The following WTAP variants were observed in gnomAD, a reference collection of about 807,000 sequenced individuals.
The protein encoded by WTAP is WT1 associated protein.
Under a neutral mutation model 50.0 loss-of-function variants are expected in WTAP, and 8 were observed. The observed-to-expected ratio is 0.16, with a 90% CI of 0.09 to 0.29. The LOEUF (loss-of-function observed/expected upper bound fraction) is 0.29. Among genes scored for constraint, WTAP ranks in the 10% least tolerant of loss-of-function variants. The pLI is 1.00. For missense variants in WTAP, 295 were observed against 470.7 expected, an observed-to-expected ratio of 0.63 and a Z score of 3.45; for synonymous variants, 194 against 169.0, an observed-to-expected ratio of 1.15 and a Z score of -1.15.
At chr6:159,752,113 G>A (rs541580984) in intron 6 of WTAP, among the ~76,000 whole-genome samples, 2 of 150,878 alleles carry the variant, frequency 1.3e-5, no homozygotes, top group Admixed American at 6.6e-5. Flanking sequence ...ACACTTCAAA[G>A]ATTGATAAAA....
chr6:159,728,651 A>G (rs892928628), intron 1 of WTAP, among the ~76,000 whole-genome samples: 2 of 152,248 alleles, frequency 1.3e-5, no homozygotes, highest in Non-Finnish European at 2.9e-5. Context: ...TTAAAACCGT[A>G]ATTTAAAACT....
At chr6:159,736,439 T>C (rs1357762709) in intron 2 of WTAP, 144 bp downstream of exon 2, 2 of 684,474 alleles carry the variant, frequency 2.9e-6, no homozygotes, top group Non-Finnish European at 5.1e-6. Flanking sequence ...ATAATAGCAT[T>C]GGAGTTGTAC....
intron 1 of WTAP, among the ~76,000 whole-genome samples, chr6:159,728,047 C>T (rs565438527): frequency 3.3e-5 from 5 of 152,200 alleles, no homozygotes; most frequent in East Asian, 1.9e-4. Flanking sequence ...CCTTCACCTC[C>T]CTTGGGCCTC....
At chr6:159,744,511 A>G (rs1229286055) in intron 5 of WTAP, among the ~76,000 whole-genome samples, 1 of 127,254 alleles carries the variant, frequency 7.9e-6, no homozygotes, top group South Asian at 3.0e-4. Context: ...GACACCAAAA[A>G]TCTATGGGCA....
intron 7 of WTAP, 125 bp downstream of exon 7, chr6:159,753,739 A>G (rs1779902604): frequency 8.3e-7 from 1 of 1,210,796 alleles, no homozygotes; most frequent in Non-Finnish European, 1.1e-6. Flanking sequence ...ATTGTATATT[A>G]TTGTGAGTGA....
rs1189922279 is a variant in WTAP at position 159,756,283 on chromosome 6, C to A, written c.*672C>A. Reference sequence around the variant, plus strand: ...CTCCAGTATATCTTACCTGTACTGACCAAACCTAAATAAAGATTTTTATTG... The same window carrying A: ...CTCCAGTATATCTTACCTGTACTGAACAAACCTAAATAAAGATTTTTATTG... On this transcript the variant is annotated 3_prime_UTR_variant, in exon 8 of 8. Coordinates refer to ENST00000621533, the MANE Select transcript of WTAP (RefSeq NM_001270531.2). 1.3e-5 allele frequency: 2 copies of A among 152,606 alleles called. No individual in the cohort carries two copies. Among genetic ancestry groups the A allele is most frequent in the Non-Finnish European group, 2.9e-5 (2 of 68,042 alleles). 9.5% of individuals were successfully genotyped at this position (152,606 alleles called of 1,614,324 possible).
chr6:159,748,858 C>A lies in WTAP; in HGVS notation c.452+489C>A. On this transcript the variant is annotated intron_variant, in intron 6 of 7. Coordinates refer to ENST00000621533, the MANE Select transcript of WTAP (RefSeq NM_001270531.2). The surrounding 1 kb of genome is among the most constrained non-coding windows in gnomAD (Gnocchi z 5.6). ...AACCTTGAGCATAGTGACTTAGAGA[C>A]ACTGTGTATCAGTTTTGCCAATAAG... is the stretch of plus-strand genomic sequence containing the variant. The A allele has an allele frequency of 5.8e-6, 7 of 1,211,872 alleles. No homozygotes were observed. Among genetic ancestry groups the A allele is most frequent in the Non-Finnish European group, 7.2e-6 (7 of 975,474 alleles). 75.1% of individuals were successfully genotyped at this position (1,211,872 alleles called of 1,614,324 possible).
At chr6:159,736,913 T>TA (rs1216496884) in intron 2 of WTAP, among the ~76,000 whole-genome samples, 1 of 152,226 alleles carries the variant, frequency 6.6e-6, no homozygotes, top group African/African-American at 2.4e-5. Flanking sequence ...GAAAGCTTAC[T>TA]AAACTTAATA....
Position 159,727,592 on chromosome 6 carries a change from G to A in WTAP, c.-120G>A. On this transcript the variant is annotated 5_prime_UTR_variant, in exon 1 of 8. Coordinates refer to ENST00000621533, the MANE Select transcript of WTAP (RefSeq NM_001270531.2). ...GCGGGACTAGGAGCGCGGCGGGGCCGGCGGCAGAGCTGTCCGGCTGCGCGG... is the reference window on the plus strand; with the variant it reads ...GCGGGACTAGGAGCGCGGCGGGGCCAGCGGCAGAGCTGTCCGGCTGCGCGG... 1 of 986,910 alleles carries A rather than the reference G, an allele frequency of 1.0e-6. No homozygotes were observed. The highest frequency in any genetic ancestry group is 1.2e-6 in the Non-Finnish European group (1 of 831,080). 61.1% of individuals were successfully genotyped at this position (986,910 alleles called of 1,614,324 possible).
intron 1 of WTAP, 121 bp downstream of exon 1, chr6:159,727,824 G>A: frequency 1.4e-6 from 1 of 700,480 alleles, no homozygotes; most frequent in Non-Finnish European, 1.8e-6. Flanking sequence ...CGGGCCTGGT[G>A]CGGCACCGGT....
chr6:159,736,890 G>A (rs912200603), intron 2 of WTAP, among the ~76,000 whole-genome samples: 2 of 152,166 alleles, frequency 1.3e-5, no homozygotes, highest in African/African-American at 4.8e-5. Context: ...GGAGGAATTT[G>A]TGATTCAATT....
chr6:159,747,853 G>A lies in WTAP; in HGVS notation c.274-338G>A, dbSNP rs113850540. ...CACTTTAAGTCCCAGATTTGGAGAT[G>A]TAATCAAATGGCCTCAATTCCTAAG... On this transcript the variant is annotated intron_variant, in intron 5 of 7. Coordinates refer to ENST00000621533, the MANE Select transcript of WTAP (RefSeq NM_001270531.2). Among the ~76,000 whole-genome samples the A allele has an allele frequency of 7.6e-3, 1,156 of 151,928 alleles. 17 individuals carry two copies. Among genetic ancestry groups the A allele is most frequent in the African/African-American group, 0.027 (1,103 of 41,448 alleles).
intron 1 of WTAP, chr6:159,731,091 A>C (rs1778537383): frequency 1.3e-5 from 2 of 152,212 alleles, no homozygotes; most frequent in Non-Finnish European, 2.9e-5. Flanking sequence ...CAGTGAGCCC[A>C]GATCATGCCC....
intron 3 of WTAP, chr6:159,741,691 G>A (rs1779264972): frequency 5.9e-6 from 1 of 169,024 alleles, no homozygotes; most frequent in Non-Finnish European, 1.3e-5. Flanking sequence ...TTTATGATCA[G>A]TTAAACTAGA....
intron 5 of WTAP, among the ~76,000 whole-genome samples, chr6:159,747,246 A>G (rs1356357284): frequency 2.0e-5 from 3 of 152,172 alleles, no homozygotes; most frequent in Admixed American, 6.5e-5. Context: ...TTAGTGTGCT[A>G]GTAAATAGCA....
chr6:159,732,190 A>T (rs1029490251), intron 1 of WTAP, among the ~76,000 whole-genome samples: 2 of 152,168 alleles, frequency 1.3e-5, no homozygotes, highest in African/African-American at 4.8e-5. Flanking sequence ...ATATAAATGG[A>T]CCCATGCAGC....
Position 159,754,903 on chromosome 6 carries a change from T to C in WTAP, c.608-125T>C, listed in dbSNP as rs1022336425. On this transcript the variant is annotated intron_variant, in intron 7 of 7. Coordinates refer to ENST00000621533, the MANE Select transcript of WTAP (RefSeq NM_001270531.2). Reference sequence around the variant, plus strand: ...CCAAGCAAAATTTTTAAATGTAGTGTGATTTTAGAATTGTATTTGTTTACT... The same window carrying C: ...CCAAGCAAAATTTTTAAATGTAGTGCGATTTTAGAATTGTATTTGTTTACT... The C allele has an allele frequency of 3.8e-6, 4 of 1,051,726 alleles. No homozygotes were observed. In the East Asian group the frequency reaches 8.2e-5, roughly 22 times the overall value. The allele number at this position is 1,051,726 out of a possible 1,614,324, so 65.1% of individuals were successfully genotyped here.
At position 159,754,930 on chromosome 6, in the gene WTAP, G is replaced by C. The variant is rs1779950232; in HGVS notation, c.608-98G>C. On this transcript the variant is annotated intron_variant, in intron 7 of 7. Transcript: ENST00000621533. ...ATTTTAGAATTGTATTTGTTTACTT[G>C]AGCGTTTATTGACTCCCTTGCTTTG... 3.6e-5 allele frequency: 45 copies of C among 1,234,012 alleles called. No individual in the cohort carries two copies. The South Asian group carries it at 7.5e-4, about 21-fold the overall frequency. The allele number at this position is 1,234,012 out of a possible 1,614,324, so 76.4% of individuals were successfully genotyped here.
At chr6:159,743,236 G>A (rs1482463594) in intron 4 of WTAP, among the ~76,000 whole-genome samples, 2 of 152,052 alleles carry the variant, frequency 1.3e-5, no homozygotes, top group East Asian at 1.9e-4. Flanking sequence ...TAGTAGAGAC[G>A]GTGTTTCACC....
Sources: gnomAD v4.1 joint callset for allele counts (sites outside exome capture counted in the v4.1 genomes callset) on GRCh38, gnomAD v4.1.1 for gene constraint, Gnocchi (gnomAD v3.1) non-coding constraint, MANE v1.5 for transcripts, NCBI Gene and HGNC (gene_info 2026-07-23, HGNC 2026-07-21) for gene names.